FBN2: variants seen among roughly 807,000 people sequenced by gnomAD.
The protein encoded by FBN2 is fibrillin 2.
FBN2 carries 105 observed loss-of-function variants against 355.6 expected under a neutral mutation model. The ratio of observed to expected loss-of-function variants is 0.30; its 90% CI spans 0.25 to 0.35. The LOEUF (loss-of-function observed/expected upper bound fraction) is 0.35, where lower values mean the gene tolerates loss of function less well. Ranked by LOEUF, FBN2 falls within the 10% of genes least tolerant of loss-of-function variation. The probability of loss-of-function intolerance (pLI) is 1.00; values close to 1 mark genes in which losing one functional copy is unlikely to be tolerated. For missense variants in FBN2, 3,280 were observed against 3,758.7 expected, an observed-to-expected ratio of 0.87 and a Z score of 3.33; for synonymous variants, 1,350 against 1,301.2, an observed-to-expected ratio of 1.04 and a Z score of -0.81.
At chr5:128,338,839 C>A in intron 26 of FBN2, 94 bp downstream of exon 26, 1 of 1,354,208 alleles carries the variant, frequency 7.4e-7, no homozygotes, top group South Asian at 1.2e-5. Context: ...CCACACATGC[C>A]GTTCACAGCC....
intron 5 of FBN2, among the ~76,000 whole-genome samples, chr5:128,470,927 C>T (rs549002813): frequency 2.3e-4 from 35 of 151,856 alleles, no homozygotes; most frequent in Non-Finnish European, 3.4e-4. Flanking sequence ...ATGTTAGAGA[C>T]CTTCTATGCT....
Position 128,349,415 on chromosome 5 carries a change from C to G in FBN2, c.2921G>C (p.Ser974Thr). The change falls in exon 23 of 65, where the codon AGT becomes ACT. Residue 974 changes from serine (S) to threonine (T), a missense_variant. Transcript: ENST00000262464. The stretch of plus-strand genomic sequence containing the variant: ...GCACTCGCAATGAAAAGATCCCTTA[C>G]TGTTGACACAGCGTCCATTTGGACA... ...GVCPNGRCVN[S>T]KGSFHCECPE... The G allele has an allele frequency of 6.2e-7, 1 of 1,614,118 alleles. No individual in the cohort carries two copies. Among genetic ancestry groups the G allele is most frequent in the South Asian group, 1.1e-5 (1 of 91,070 alleles).
intron 8 of FBN2, among the ~76,000 whole-genome samples, chr5:128,407,442 T>C (rs1752955175): frequency 6.6e-6 from 1 of 152,156 alleles, no homozygotes; most frequent in Admixed American, 6.5e-5. Context: ...AACTGAAGTG[T>C]AGAGAAGATG....
chr5:128,340,886 G>C (rs1339255508), intron 25 of FBN2, among the ~76,000 whole-genome samples: 1 of 152,124 alleles, frequency 6.6e-6, no homozygotes, highest in Non-Finnish European at 1.5e-5. Context: ...TGGAGGGTGT[G>C]GCTTTTGAAT....
At chr5:128,478,247 G>A (rs1201722413) in intron 5 of FBN2, among the ~76,000 whole-genome samples, 1 of 152,182 alleles carries the variant, frequency 6.6e-6, no homozygotes, top group African/African-American at 2.4e-5. Context: ...TAAGAAGCCA[G>A]ACACACACTA....
chr5:128,523,331 ACT>A lies in FBN2; in HGVS notation c.533-3965_533-3964del, dbSNP rs1415590681. ...CTTCCTTCGTTTTCTAGGATACCACACTCTCTCAGTTTTCATTCCATCCTCAT... is the reference window on the plus strand; with the variant it reads ...CTTCCTTCGTTTTCTAGGATACCACACTCTCAGTTTTCATTCCATCCTCAT... On this transcript the variant is annotated intron_variant, in intron 4 of 64. Coordinates refer to ENST00000262464, the MANE Select transcript of FBN2 (RefSeq NM_001999.4). Among the ~76,000 whole-genome samples, 4 of 151,548 alleles carry A rather than the reference ACT, an allele frequency of 2.6e-5. No individual in the cohort carries two copies. The East Asian group carries it at 7.7e-4, about 29-fold the overall frequency.
chr5:128,531,057 T>C (rs551951521), intron 2 of FBN2, among the ~76,000 whole-genome samples: 6 of 152,256 alleles, frequency 3.9e-5, no homozygotes, highest in African/African-American at 1.4e-4. Context: ...TACTTGTACA[T>C]GCATGTTAAT....
chr5:128,356,640 C>A (rs1394108424), intron 20 of FBN2, among the ~76,000 whole-genome samples: 1 of 152,164 alleles, frequency 6.6e-6, no homozygotes, highest in African/African-American at 2.4e-5. Context: ...TTTTTCCTTG[C>A]AGTAACAGAT....
chr5:128,264,472 G>A (rs956203369), intron 62 of FBN2, among the ~76,000 whole-genome samples: 32 of 152,098 alleles, frequency 2.1e-4, no homozygotes, highest in African/African-American at 7.5e-4. Flanking sequence ...ATAAATACCT[G>A]GTAGCAGGAT....
At chr5:128,309,698 C>T (rs1333291949) in intron 40 of FBN2, among the ~76,000 whole-genome samples, 1 of 151,900 alleles carries the variant, frequency 6.6e-6, no homozygotes, top group Non-Finnish European at 1.5e-5. Flanking sequence ...TTTAAATGTT[C>T]TTTTATTTGT....
chr5:128,444,151 C>G (rs987572078), intron 7 of FBN2, among the ~76,000 whole-genome samples: 7 of 143,470 alleles, frequency 4.9e-5, no homozygotes, highest in Non-Finnish European at 1.0e-4. Flanking sequence ...CGGCTCACTG[C>G]AAGCTCCGCC....
At chr5:128,384,350 G>C (rs1752312755) in intron 11 of FBN2, among the ~76,000 whole-genome samples, 1 of 152,010 alleles carries the variant, frequency 6.6e-6, no homozygotes, top group Non-Finnish European at 1.5e-5. Context: ...AGCCTTATGA[G>C]GGTGATGGAT....
In FBN2 at chr5:128,537,404, C is replaced by A. The variant is rs1756883643; in HGVS notation, c.200G>T (p.Gly67Val). The A allele has an allele frequency of 6.2e-7, 1 of 1,610,302 alleles. No individual in the cohort carries two copies. Among genetic ancestry groups the A allele is most frequent in the Non-Finnish European group, 8.5e-7 (1 of 1,179,516 alleles). ...GCGGACGCGGCTGGCCACTGCGGCA[C>A]CCTCCTCGCGATACTCGGGCGCTAG... ...GFLAPEYREE[G>V]AAVASRVRRR... Residue 67 changes from glycine to valine, a missense_variant, in exon 1 of 65, where the codon GGT becomes GTT. Coordinates refer to ENST00000262464, the MANE Select transcript of FBN2 (RefSeq NM_001999.4).
intron 5 of FBN2, among the ~76,000 whole-genome samples, chr5:128,500,268 A>C (rs1327553566): frequency 6.6e-6 from 1 of 151,102 alleles, no homozygotes; most frequent in Non-Finnish European, 1.5e-5. Flanking sequence ...ACAAAGGTCA[A>C]ATGAAACTAA....
chr5:128,387,829 G>A (rs1561431523), intron 11 of FBN2, among the ~76,000 whole-genome samples: 1 of 152,078 alleles, frequency 6.6e-6, no homozygotes, highest in South Asian at 2.1e-4. Context: ...TTGTTGTTGG[G>A]TGGACTGTTC....
chr5:128,420,729 C>T (rs542960201), intron 7 of FBN2, among the ~76,000 whole-genome samples: 1 of 152,074 alleles, frequency 6.6e-6, no homozygotes, highest in Non-Finnish European at 1.5e-5. Context: ...CTTTAAAACT[C>T]TCAACTTCTC....
intron 5 of FBN2, among the ~76,000 whole-genome samples, chr5:128,465,248 T>G (rs907444075): frequency 6.6e-6 from 1 of 152,190 alleles, no homozygotes; most frequent in African/African-American, 2.4e-5. Flanking sequence ...CACATGAAAT[T>G]TGTATTTCTG....
intron 7 of FBN2, among the ~76,000 whole-genome samples, chr5:128,444,005 A>G (rs1054901547): frequency 4.0e-5 from 6 of 149,544 alleles, no homozygotes; most frequent in South Asian, 4.2e-4. Context: ...CAGATATATT[A>G]TACTACTGAT....
chr5:128,452,418 C>G (rs1432802537), intron 6 of FBN2, among the ~76,000 whole-genome samples: 1 of 152,096 alleles, frequency 6.6e-6, no homozygotes, highest in African/African-American at 2.4e-5. Flanking sequence ...AATAATGTAA[C>G]AAAGCAACAA....
Sources: allele counts gnomAD v4.1 joint callset (sites outside exome capture counted in the v4.1 genomes callset), GRCh38; gene constraint gnomAD v4.1.1; transcripts MANE v1.5; gene names NCBI Gene and HGNC (gene_info 2026-07-23, HGNC 2026-07-21).